Variants in CDON observed in about 807,000 individuals in gnomAD.
CDON encodes cell adhesion molecule-related/down-regulated by oncogenes.
Under a neutral mutation model 120.9 loss-of-function variants are expected in CDON, and 73 were observed. The observed-to-expected ratio is 0.60, with a 90% confidence interval of 0.50 to 0.73. CDON has a LOEUF of 0.73. CDON is among the 30% of genes least tolerant of loss of function. CDON has a pLI of 0.00. For synonymous variants in CDON, 566 were observed against 573.5 expected (o/e 0.99, Z 0.19); for missense variants, 1,470 against 1,587.3 (o/e 0.93, Z 1.26).
At chr11:125,961,436 GTCT>G (rs1945640193) in intron 19 of CDON, among the ~76,000 whole-genome samples, 1 of 152,170 alleles carries the variant, frequency 6.6e-6, no homozygotes, top group African/African-American at 2.4e-5. Flanking sequence ...CTTCCAGCAA[GTCT>G]TCTGCTACCC....
At chr11:125,971,314 T>C (rs947821356) in intron 18 of CDON, among the ~76,000 whole-genome samples, 28 of 151,262 alleles carry the variant, frequency 1.9e-4, no homozygotes, top group African/African-American at 2.4e-4. Flanking sequence ...ACCTGGGAGG[T>C]GGAGCTTGCA....
intron 18 of CDON, among the ~76,000 whole-genome samples, chr11:125,973,018 CTTTTTT>C (rs35828939): frequency 1.7e-4 from 15 of 87,070 alleles, no homozygotes; most frequent in African/African-American, 4.1e-4. Context: ...ATTACTTGGT[CTTTTTT>C]TTTTTTTTTT....
At chr11:125,980,904 A>G in intron 17 of CDON, 145 bp downstream of exon 17, 2 of 760,136 alleles carry the variant, frequency 2.6e-6, no homozygotes, top group Non-Finnish European at 4.5e-6. Flanking sequence ...ACTCTGGATC[A>G]AAGGGCTGCC....
chr11:126,063,071 G>A (rs1948846131), upstream of CDON, among the ~76,000 whole-genome samples: 1 of 151,938 alleles, frequency 6.6e-6, no homozygotes, highest in South Asian at 2.1e-4. Context: ...GATCAGCGGC[G>A]GGGGCACGGG....
chr11:126,028,833 GTATA>G (rs751874778), intron 1 of CDON, among the ~76,000 whole-genome samples: 2 of 149,476 alleles, frequency 1.3e-5, no homozygotes, highest in African/African-American at 4.9e-5. Context: ...GTGTGTGTGT[GTATA>G]TATATATATA....
intron 1 of CDON, among the ~76,000 whole-genome samples, chr11:126,053,418 T>C (rs1948614443): frequency 6.6e-6 from 1 of 152,208 alleles, no homozygotes; most frequent in Non-Finnish European, 1.5e-5. Flanking sequence ...GCTGTCGTTA[T>C]ATCATGGCCA....
At chr11:126,062,311 G>A (rs1948818004) in intron 1 of CDON, among the ~76,000 whole-genome samples, 1 of 152,006 alleles carries the variant, frequency 6.6e-6, no homozygotes, top group African/African-American at 2.4e-5. Context: ...CCATCGTCAA[G>A]AAGAGGTTTC....
chr11:125,993,395 GCACA>G (rs72031190), intron 14 of CDON, among the ~76,000 whole-genome samples: 87,001 of 150,870 alleles, frequency 0.58, 25,177 homozygotes, highest in East Asian at 0.7. Flanking sequence ...GCGCGTGCGT[GCACA>G]CACACACACA....
In CDON at chr11:125,958,540, A is replaced by G. The variant is rs909357771; in HGVS notation, c.*2402T>C. 3.0e-5 allele frequency: 4 copies of G among 135,144 alleles called. No homozygotes were observed. Among genetic ancestry groups the G allele is most frequent in the African/African-American group, 1.1e-4 (4 of 36,418 alleles). 8.4% of individuals were successfully genotyped at this position (135,144 alleles called of 1,614,324 possible). On this transcript the variant is annotated 3_prime_UTR_variant, in exon 20 of 20. Coordinates refer to ENST00000531738, the MANE Select transcript of CDON (RefSeq NM_001378964.1). ...GGAGAACTCATACCGCCTAAATATA[A>G]AGGCAATTATATATATATATATATA... is the stretch of plus-strand genomic sequence containing the variant.
At chr11:126,008,834 T>A (rs907601922) in intron 8 of CDON, among the ~76,000 whole-genome samples, 3 of 152,246 alleles carry the variant, frequency 2.0e-5, no homozygotes, top group African/African-American at 7.2e-5. Context: ...GGATTCTTAA[T>A]GTTTCTAAAA....
chr11:126,031,876 C>T (rs1298681912), intron 1 of CDON, among the ~76,000 whole-genome samples: 1 of 152,218 alleles, frequency 6.6e-6, no homozygotes, highest in East Asian at 1.9e-4. Flanking sequence ...AGCCTCAAGG[C>T]TTCTCTTCCT....
At position 126,023,557 on chromosome 11, in the gene CDON, G is replaced by C. The variant is rs1316864649; in HGVS notation, c.-61-20C>G. 3 of 1,033,164 alleles carry C rather than the reference G, an allele frequency of 2.9e-6. No individual in the cohort carries two copies. The highest frequency in any genetic ancestry group is 3.1e-6 in the Non-Finnish European group (2 of 653,550). 64.0% of individuals were successfully genotyped at this position (1,033,164 alleles called of 1,614,324 possible). On this transcript the variant is annotated intron_variant, in intron 1 of 19. Coordinates refer to ENST00000531738, the MANE Select transcript of CDON (RefSeq NM_001378964.1). ...GGTTCACTAAAAAAGAAAAAGGAAA[G>C]AAAATCTAAACCATTGAAATCTTTC... is the stretch of plus-strand genomic sequence containing the variant.
intron 7 of CDON, among the ~76,000 whole-genome samples, chr11:126,011,749 T>C (rs1947309556): frequency 6.6e-6 from 1 of 152,238 alleles, no homozygotes; most frequent in African/African-American, 2.4e-5. Context: ...AATGAGCCTT[T>C]TAAAATGTCT....
At chr11:126,049,749 A>C (rs888585379) in intron 1 of CDON, among the ~76,000 whole-genome samples, 20 of 152,202 alleles carry the variant, frequency 1.3e-4, no homozygotes, top group Non-Finnish European at 2.5e-4. Context: ...ACATCCAAGA[A>C]ATTGAAAAAC....
At chr11:126,054,372 A>C (rs1420066315) in intron 1 of CDON, among the ~76,000 whole-genome samples, 2 of 152,236 alleles carry the variant, frequency 1.3e-5, no homozygotes, top group Non-Finnish European at 2.9e-5. Context: ...TAAAATTGTT[A>C]AAATATTCAA....
intron 11 of CDON, among the ~76,000 whole-genome samples, chr11:126,001,204 T>C (rs1157486651): frequency 2.1e-4 from 32 of 151,506 alleles, no homozygotes; most frequent in Admixed American, 2.1e-3. Context: ...TCTTTTTTTT[T>C]TTTTTTGAGG....
intron 18 of CDON, among the ~76,000 whole-genome samples, chr11:125,964,605 AC>A (rs770241151): frequency 2.0e-5 from 3 of 149,892 alleles, no homozygotes; most frequent in Non-Finnish European, 4.5e-5. Flanking sequence ...AAGGAGACAG[AC>A]CAAAAAAAAA....
intron 18 of CDON, among the ~76,000 whole-genome samples, chr11:125,970,694 T>G (rs1048841543): frequency 1.3e-5 from 2 of 152,206 alleles, no homozygotes; most frequent in Non-Finnish European, 2.9e-5. Context: ...GGAATTAATC[T>G]ATCAGCAGCT....
chr11:126,002,491 C>A (rs745326740), intron 10 of CDON, among the ~76,000 whole-genome samples: 14 of 152,182 alleles, frequency 9.2e-5, no homozygotes, highest in Non-Finnish European at 2.1e-4. Context: ...CTTTTCGTTA[C>A]AGTGCCATAC....
Sources: gnomAD v4.1 joint callset for allele counts (sites outside exome capture counted in the v4.1 genomes callset) on GRCh38, gnomAD v4.1.1 for gene constraint, MANE v1.5 for transcripts, NCBI Gene and HGNC (gene_info 2026-07-23, HGNC 2026-07-21) for gene names.